The following COP1 variants were observed in gnomAD, a reference collection of about 807,000 sequenced individuals.
COP1 encodes the protein E3 ubiquitin-protein ligase COP1.
Under a neutral mutation model 101.3 loss-of-function variants are expected in COP1, and 24 were observed. That is an observed-to-expected ratio of 0.24 (90% confidence interval 0.17 to 0.33). The LOEUF (loss-of-function observed/expected upper bound fraction) is 0.33, where lower values mean the gene tolerates loss of function less well. Among genes scored for constraint, COP1 ranks in the 10% least tolerant of loss-of-function variants. The pLI, the probability that COP1 is intolerant of heterozygous loss-of-function variation, is 1.00. For synonymous variants in COP1, 347 were observed against 341.9 expected (o/e 1.01, Z -0.17); for missense variants, 663 against 906.2 (o/e 0.73, Z 3.45).
intron 9 of COP1, among the ~76,000 whole-genome samples, chr1:176,088,534 A>G (rs969460238): frequency 2.0e-5 from 3 of 152,214 alleles, no homozygotes; most frequent in African/African-American, 7.2e-5. Flanking sequence ...AAGCAAATAC[A>G]TAAGATCTGC....
At chr1:176,144,433 A>G (rs1260911050) in intron 6 of COP1, among the ~76,000 whole-genome samples, 2 of 152,188 alleles carry the variant, frequency 1.3e-5, no homozygotes, top group African/African-American at 2.4e-5. Flanking sequence ...GGCTATTTTA[A>G]AGATCTAAAT....
intron 18 of COP1, among the ~76,000 whole-genome samples, chr1:175,973,968 T>C (rs578202284): frequency 1.3e-5 from 2 of 152,258 alleles, no homozygotes; most frequent in East Asian, 1.9e-4. Flanking sequence ...GAGTGTAAAA[T>C]GTGCTTATGC....
At chr1:175,952,293 G>A (rs1276131927) in intron 18 of COP1, among the ~76,000 whole-genome samples, 2 of 151,920 alleles carry the variant, frequency 1.3e-5, no homozygotes, top group Admixed American at 6.6e-5. Flanking sequence ...GTGGTGGCAG[G>A]AGCCTGTAAT....
intron 11 of COP1, among the ~76,000 whole-genome samples, chr1:176,048,541 C>T (rs1671912196): frequency 6.6e-6 from 1 of 152,124 alleles, no homozygotes; most frequent in East Asian, 1.9e-4. Context: ...ATTCATCTAT[C>T]CCAACTCAAT....
At chr1:176,013,643 T>G (rs1350890405) in intron 15 of COP1, among the ~76,000 whole-genome samples, 2 of 152,144 alleles carry the variant, frequency 1.3e-5, no homozygotes, top group Non-Finnish European at 2.9e-5. Flanking sequence ...CCATATAATA[T>G]GTGAAAAGTC....
intron 11 of COP1, among the ~76,000 whole-genome samples, chr1:176,049,195 A>G (rs1331479182): frequency 6.7e-6 from 1 of 148,764 alleles, no homozygotes. Context: ...AAAAAAAAAA[A>G]AAAAAAAAGA....
At chr1:176,122,075 G>C (rs1417629112) in intron 8 of COP1, among the ~76,000 whole-genome samples, 2 of 149,738 alleles carry the variant, frequency 1.3e-5, no homozygotes, top group Non-Finnish European at 2.9e-5. Flanking sequence ...GGGAGGTGGG[G>C]CTTGAAGTAA....
At chr1:176,073,959 G>C (rs1558052321) in intron 11 of COP1, among the ~76,000 whole-genome samples, 1 of 152,144 alleles carries the variant, frequency 6.6e-6, no homozygotes, top group Non-Finnish European at 1.5e-5. Flanking sequence ...CTTTGTTTGA[G>C]ACAGAGTCTC....
chr1:176,013,742 T>C (rs958325876), intron 15 of COP1, among the ~76,000 whole-genome samples: 11 of 152,200 alleles, frequency 7.2e-5, no homozygotes, highest in South Asian at 2.1e-4. Context: ...GGTATACTTA[T>C]AACCTCACTA....
At chr1:176,007,414 G>A (rs1663560624) in intron 15 of COP1, among the ~76,000 whole-genome samples, 3 of 152,284 alleles carry the variant, frequency 2.0e-5, no homozygotes, top group Admixed American at 6.5e-5. Context: ...GAGGAAGAGA[G>A]GCACTCTGGT....
At chr1:176,004,108 A>C (rs1192277100) in intron 15 of COP1, among the ~76,000 whole-genome samples, 2 of 150,158 alleles carry the variant, frequency 1.3e-5, no homozygotes, top group Admixed American at 1.3e-4. Flanking sequence ...ATTCTCTTTG[A>C]AGCAATTGTG....
intron 12 of COP1, among the ~76,000 whole-genome samples, chr1:176,044,481 TGTA>T (rs1200474175): frequency 6.6e-6 from 1 of 152,248 alleles, no homozygotes. Flanking sequence ...AGGCAGTTAA[TGTA>T]GGTAACTTCT....
intron 18 of COP1, among the ~76,000 whole-genome samples, chr1:175,969,668 TA>T (rs1652861432): frequency 6.6e-6 from 1 of 152,198 alleles, no homozygotes; most frequent in Non-Finnish European, 1.5e-5. Flanking sequence ...CTGTGTCACG[TA>T]AAACTTCTAT....
intron 15 of COP1, among the ~76,000 whole-genome samples, chr1:175,995,089 A>T (rs1237020563): frequency 1.3e-5 from 2 of 152,196 alleles, no homozygotes; most frequent in African/African-American, 2.4e-5. Context: ...GGATTAAGAA[A>T]CTCACTAAAA....
chr1:176,133,914 A>C (rs577254904), intron 8 of COP1: 2 of 426,674 alleles, frequency 4.7e-6, no homozygotes, highest in Admixed American at 5.2e-5. Flanking sequence ...AAAGATAACA[A>C]TATACACAGA....
At chr1:176,049,433 G>A (rs531261119) in intron 11 of COP1, among the ~76,000 whole-genome samples, 1 of 151,890 alleles carries the variant, frequency 6.6e-6, no homozygotes, top group Non-Finnish European at 1.5e-5. Context: ...TGTAGAGTAT[G>A]TTTTTAAAAA....
intron 18 of COP1, among the ~76,000 whole-genome samples, chr1:175,966,677 T>C (rs983789865): frequency 6.6e-6 from 1 of 152,230 alleles, no homozygotes; most frequent in Non-Finnish European, 1.5e-5. Flanking sequence ...TCACTGACTA[T>C]GTACAAGAGA....
At chr1:175,951,911 A>G (rs975468086) in intron 18 of COP1, among the ~76,000 whole-genome samples, 1 of 152,224 alleles carries the variant, frequency 6.6e-6, no homozygotes, top group African/African-American at 2.4e-5. Context: ...AAATTTGTAA[A>G]CTATAAACCC....
intron 10 of COP1, among the ~76,000 whole-genome samples, chr1:176,085,460 T>C (rs1679966200): frequency 6.6e-6 from 1 of 152,202 alleles, no homozygotes; most frequent in East Asian, 1.9e-4. Context: ...TAGAACTTCA[T>C]GTTTATTTAA....
Sources: gnomAD v4.1 joint callset for allele counts (sites outside exome capture counted in the v4.1 genomes callset) on GRCh38, gnomAD v4.1.1 for gene constraint, MANE v1.5 for transcripts, NCBI Gene and HGNC (gene_info 2026-07-23, HGNC 2026-07-21) for gene names.